Variants in OVOL1 observed in about 807,000 individuals in gnomAD.
OVOL1 encodes the protein ovo like transcriptional repressor 1.
OVOL1 carries 10 observed loss-of-function variants against 21.5 expected under a neutral mutation model. That is an observed-to-expected ratio of 0.46 (90% CI 0.29 to 0.79). OVOL1 has a LOEUF of 0.79. OVOL1 is among the 30% of genes least tolerant of loss of function. The probability of loss-of-function intolerance (pLI) is 0.10; values close to 1 mark genes in which losing one functional copy is unlikely to be tolerated. For missense variants in OVOL1, 279 were observed against 362.3 expected, an observed-to-expected ratio of 0.77 and a Z score of 1.87; for synonymous variants, 129 against 150.3, an observed-to-expected ratio of 0.86 and a Z score of 1.03.
Position 65,794,648 on chromosome 11 carries a change from C to A in OVOL1, c.429C>A (p.Val143=). ...GCCACATGAAGTGTCACAACGACGT[C>A]AAGAGGCACCTCTGCACGTACTGCG... ...LNRHMKCHND[V]KRHLCTYCGK... is the part of the protein sequence containing the mutation. Residue 143 remains valine, a synonymous_variant, in exon 3 of 4, where the codon GTC becomes GTA. Coordinates refer to ENST00000335987, the MANE Select transcript of OVOL1 (RefSeq NM_004561.4). 1 of 1,613,824 alleles carries A rather than the reference C, an allele frequency of 6.2e-7. No homozygotes were observed. The highest frequency in any genetic ancestry group is 8.5e-7 in the Non-Finnish European group (1 of 1,180,030).
rs1858148675 is a variant in OVOL1, at chr11:65,797,087, T to C, written c.*1746T>C. 6.6e-6 allele frequency: 1 copy of C among 152,248 alleles called. No homozygotes were observed. The highest frequency in any genetic ancestry group is 1.5e-5 in the Non-Finnish European group (1 of 68,046). The allele number at this position is 152,248 out of a possible 1,614,324, so 9.4% of individuals were successfully genotyped here. ...TCACATAGCACACAGTAATGTTATC[T>C]GGAAGCTCTGTTTTTGTTTACATTT... On this transcript the variant is annotated 3_prime_UTR_variant, in exon 4 of 4. Transcript: ENST00000335987.
At chr11:65,794,852 A>G (rs749188426) in intron 3 of OVOL1, 125 bp downstream of exon 3, 1 of 1,081,550 alleles carries the variant, frequency 9.2e-7, no homozygotes, top group Non-Finnish European at 1.4e-6. Context: ...CCCGGAGCTC[A>G]GGGCCAAAGT....
chr11:65,788,229 C>A (rs989774306), intron 1 of OVOL1, among the ~76,000 whole-genome samples: 16 of 152,242 alleles, frequency 1.1e-4, no homozygotes, highest in African/African-American at 3.9e-4. Context: ...GAGGGCCAGG[C>A]CCGGGGAAGC....
In OVOL1 at chr11:65,795,053, G is replaced by C; in HGVS notation, c.516G>C (p.Arg172=). The C allele has an allele frequency of 6.2e-7, 1 of 1,612,478 alleles. No individual in the cohort carries two copies. Among genetic ancestry groups the C allele is most frequent in the Non-Finnish European group, 8.5e-7 (1 of 1,179,808 alleles). The change falls in exon 4 of 4, where the codon CGG becomes CGC. Residue 172 remains arginine, a synonymous_variant. Coordinates refer to ENST00000335987, the MANE Select transcript of OVOL1 (RefSeq NM_004561.4). The surrounding 1 kb of genome is among the most constrained non-coding windows in gnomAD (Gnocchi z 5.7). ...KRHVRTHTGV[R]PYKCSLCDKA... ...CCCCTGTCCTCCCCACAGGCGTGCG[G>C]CCCTACAAGTGCAGCCTGTGTGACA...
At chr11:65,788,787 C>T (rs1857952786) in intron 1 of OVOL1, 1 of 985,338 alleles carries the variant, frequency 1.0e-6, no homozygotes, top group African/African-American at 1.7e-5. Flanking sequence ...CCTGGTAACC[C>T]CAGTGGGGAA....
At position 65,795,148 on chromosome 11, in the gene OVOL1, C is replaced by G. The variant is rs140325286; in HGVS notation, c.611C>G (p.Ala204Gly). 47 of 1,613,708 alleles carry G rather than the reference C, an allele frequency of 2.9e-5. No individual in the cohort carries two copies. In the African/African-American group the frequency reaches 5.5e-4, roughly 19 times the overall value. Residue 204 changes from alanine to glycine, a missense_variant, in exon 4 of 4, where the codon GCG becomes GGG. Physicochemically the swap from Ala to Gly is moderately conservative, Grantham distance 60. Coordinates refer to ENST00000335987, the MANE Select transcript of OVOL1 (RefSeq NM_004561.4). This position sits in a 1 kb window ranked among gnomAD's most constrained non-coding sequence, Gnocchi z 5.7. Reference sequence around the variant, plus strand: ...ATCCATGGTGTGCAGCAGAAGTACGCGTACAAGGAGCGGCGGGCCAAGCTG... The same window carrying G: ...ATCCATGGTGTGCAGCAGAAGTACGGGTACAAGGAGCGGCGGGCCAAGCTG... The part of the protein sequence containing the change: ...KKIHGVQQKY[A>G]YKERRAKLYV...
At chr11:65,789,719 A>T in intron 1 of OVOL1, 2 of 984,882 alleles carry the variant, frequency 2.0e-6, no homozygotes, top group Non-Finnish European at 2.4e-6. Flanking sequence ...CTAAGCGTTG[A>T]CCCCATTTCC....
chr11:65,790,502 T>G (rs377289273), intron 1 of OVOL1: 1 of 152,430 alleles, frequency 6.6e-6, no homozygotes, highest in African/African-American at 2.4e-5. Context: ...GTGTGGGCAC[T>G]TGGGCAGATC....
chr11:65,787,309 A>G lies in OVOL1; in HGVS notation c.-65A>G. 7.3e-7 allele frequency: 1 copy of G among 1,368,600 alleles called. No homozygotes were observed. The highest frequency in any genetic ancestry group is 2.7e-5 in the East Asian group (1 of 37,376). 84.8% of individuals were successfully genotyped at this position (1,368,600 alleles called of 1,614,324 possible). On this transcript the variant is annotated 5_prime_UTR_variant, in exon 1 of 4. Coordinates refer to ENST00000335987, the MANE Select transcript of OVOL1 (RefSeq NM_004561.4). ...TTCCCGGCGTTCAGCCCGGCCCCGC[A>G]AAGGTGGGACGGCTCCCGGCTTCAG...
intron 1 of OVOL1, chr11:65,789,078 C>G: frequency 1.0e-6 from 1 of 985,220 alleles, no homozygotes; most frequent in Middle Eastern, 5.2e-4. Flanking sequence ...CTGAGCCAGG[C>G]TCAGTGTGCT....
At chr11:65,791,414 C>T (rs1484418348) in intron 1 of OVOL1, among the ~76,000 whole-genome samples, 1 of 152,238 alleles carries the variant, frequency 6.6e-6, no homozygotes, top group African/African-American at 2.4e-5. Context: ...CCCATGTGGT[C>T]AGTGGGGCCC....
At position 65,795,333 on chromosome 11, in the gene OVOL1, C is replaced by A. The variant is rs1470064865; in HGVS notation, c.796C>A (p.His266Asn). 1.3e-6 allele frequency: 2 copies of A among 1,598,828 alleles called. No homozygotes were observed. The highest frequency in any genetic ancestry group is 2.3e-5 in the East Asian group (1 of 44,128). ...TVTSLLQGSP[H>N]L ...CACTTCCCTGCTGCAGGGCAGCCCC[C>A]ACCTGTGAGTGGCTCGAGCCCTGGG... is the stretch of plus-strand genomic sequence containing the variant. Residue 266 changes from histidine (H) to asparagine (N), a missense_variant, in exon 4 of 4, where the codon CAC becomes AAC. By Grantham distance (68) the His-to-Asn change is moderately conservative (BLOSUM62 1). Coordinates refer to ENST00000335987, the MANE Select transcript of OVOL1 (RefSeq NM_004561.4). The surrounding 1 kb of genome is among the most constrained non-coding windows in gnomAD (Gnocchi z 5.7).
At position 65,797,026 on chromosome 11, in the gene OVOL1, C is replaced by T. The variant is rs890795952; in HGVS notation, c.*1685C>T. 6.6e-6 allele frequency: 1 copy of T among 152,228 alleles called. No homozygotes were observed. The highest frequency in any genetic ancestry group is 2.4e-5 in the African/African-American group (1 of 41,444). 9.4% of individuals were successfully genotyped at this position (152,228 alleles called of 1,614,324 possible). A position where few individuals can be genotyped will look rare whatever the true frequency, so the allele number is the denominator to read the frequency against. ...TTCTAAAATCTCTTGTTTCACTTGA[C>T]TTTAGAGTGTCTGGGACGCTGCTGT... On this transcript the variant is annotated 3_prime_UTR_variant, in exon 4 of 4. Coordinates refer to ENST00000335987, the MANE Select transcript of OVOL1 (RefSeq NM_004561.4).
intron 3 of OVOL1, 50 bp downstream of exon 3, chr11:65,794,777 C>T (rs546399664): frequency 5.7e-6 from 9 of 1,571,690 alleles, no homozygotes; most frequent in African/African-American, 4.0e-5. Context: ...CGCCTGGCCG[C>T]GGCCGTGCGG....
At chr11:65,794,936 C>T in intron 3 of OVOL1, 110 bp from the exon 4 acceptor site, 1 of 1,173,328 alleles carries the variant, frequency 8.5e-7, no homozygotes, top group Non-Finnish European at 1.2e-6. Context: ...GGCCTCCGTC[C>T]ATCCCTTGGC....
At chr11:65,787,619 G>A (rs886199352) in intron 1 of OVOL1, 146 bp downstream of exon 1, 10 of 196,472 alleles carry the variant, frequency 5.1e-5, no homozygotes, top group Non-Finnish European at 6.6e-5. Context: ...GGCTGGGTGG[G>A]CCCGCGGCTC....
At chr11:65,791,228 G>A (rs189415669) in intron 1 of OVOL1, among the ~76,000 whole-genome samples, 25 of 152,334 alleles carry the variant, frequency 1.6e-4, no homozygotes, top group African/African-American at 6.0e-4. Context: ...GGCTGGTGCT[G>A]GGTCCTTTTG....
chr11:65,794,212 G>C lies in OVOL1; in HGVS notation c.282G>C (p.Gln94His), dbSNP rs767873126. ...ACATGGGCCACTTGACAGACCCCCA[G>C]AGCAGAGACCATGGCTTCCTGCGCA... ...SEDMGHLTDPQSRDHGFLRTK... is the reference protein window; with the variant it reads ...SEDMGHLTDPHSRDHGFLRTK... Residue 94 changes from glutamine to histidine, a missense_variant, in exon 2 of 4, where the codon CAG becomes CAC. Transcript: ENST00000335987. 1.2e-6 allele frequency: 2 copies of C among 1,613,412 alleles called. No homozygotes were observed. Among genetic ancestry groups the C allele is most frequent in the Admixed American group, 3.3e-5 (2 of 60,024 alleles).
chr11:65,789,781 G>T, intron 1 of OVOL1: 1 of 840,378 alleles, frequency 1.2e-6, no homozygotes, highest in Admixed American at 6.2e-5. Context: ...TTCCTGCCAG[G>T]TTCCTCTGAG....
Sources: allele counts gnomAD v4.1 joint callset (sites outside exome capture counted in the v4.1 genomes callset), GRCh38; gene constraint gnomAD v4.1.1; non-coding constraint Gnocchi (gnomAD v3.1); transcripts MANE v1.5; gene names NCBI Gene and HGNC (gene_info 2026-07-23, HGNC 2026-07-21).